The following DDC variants were observed in gnomAD, a reference collection of about 807,000 sequenced individuals.
The protein encoded by DDC is dopa decarboxylase.
Under a neutral mutation model 60.0 loss-of-function variants are expected in DDC, and 43 were observed. That is an observed-to-expected ratio of 0.72 (90% confidence interval 0.56 to 0.92). The LOEUF is 0.92. Ranked by LOEUF, DDC falls within the 40% of genes least tolerant of loss-of-function variation. The probability of loss-of-function intolerance (pLI) is 0.00; values close to 1 mark genes in which losing one functional copy is unlikely to be tolerated. For missense variants in DDC, 573 were observed against 620.2 expected (o/e 0.92, Z 0.81); for synonymous variants, 232 against 234.6 (o/e 0.99, Z 0.10).
rs758371217 is a variant in DDC at position 50,499,133 on chromosome 7, G to A, written c.876+15C>T. 31 of 1,602,598 alleles carry A rather than the reference G, an allele frequency of 1.9e-5. No individual in the cohort carries two copies. The highest frequency in any genetic ancestry group is 6.7e-5 in the African/African-American group (5 of 74,686). On this transcript the variant is annotated intron_variant, in intron 8 of 14. Coordinates refer to ENST00000444124, the MANE Select transcript of DDC (RefSeq NM_001082971.2). ...CTGTGAAAACAGCCTTAGGGAGAGCGAAGGGTGCACCTACCTCCACTCCAT... is the reference window on the plus strand; with the variant it reads ...CTGTGAAAACAGCCTTAGGGAGAGCAAAGGGTGCACCTACCTCCACTCCAT...
chr7:50,463,568 C>T (rs1363038466), intron 13 of DDC, 137 bp from the exon 14 acceptor site: 9 of 763,470 alleles, frequency 1.2e-5, no homozygotes, highest in African/African-American at 6.9e-5. Flanking sequence ...CTTGCGTTTA[C>T]GATGTTACAA....
intron 10 of DDC, 139 bp downstream of exon 10, chr7:50,479,648 G>A: frequency 1.2e-6 from 1 of 831,734 alleles, no homozygotes. Flanking sequence ...GGCAAATCCA[G>A]GAATGCACAG....
intron 1 of DDC, chr7:50,560,872 G>A (rs1004457284): frequency 6.6e-6 from 1 of 152,126 alleles, no homozygotes; most frequent in African/African-American, 2.4e-5. Flanking sequence ...AGCTGTCCCT[G>A]TCAGCCGAAC....
chr7:50,518,762 C>T (rs1220268346), intron 6 of DDC, among the ~76,000 whole-genome samples: 1 of 152,322 alleles, frequency 6.6e-6, no homozygotes, highest in South Asian at 2.1e-4. Context: ...GGACTTAAAC[C>T]TAAGACCTGA....
intron 1 of DDC, among the ~76,000 whole-genome samples, chr7:50,561,530 G>A (rs1390970634): frequency 6.6e-6 from 1 of 152,164 alleles, no homozygotes. Flanking sequence ...GAAGTGAGAT[G>A]TAGATTAGGT....
chr7:50,501,845 G>A (rs982519590), intron 7 of DDC, among the ~76,000 whole-genome samples: 8 of 152,128 alleles, frequency 5.3e-5, no homozygotes, highest in South Asian at 4.1e-4. Context: ...AGGCTGAGGC[G>A]GGCATATCAT....
At chr7:50,471,116 A>G (rs2042520441) in intron 11 of DDC, among the ~76,000 whole-genome samples, 1 of 152,144 alleles carries the variant, frequency 6.6e-6, no homozygotes, top group Admixed American at 6.5e-5. Context: ...TGAAGGCCGG[A>G]TGCGGTGGCT....
At chr7:50,474,423 GGAA>G (rs967574660) in intron 11 of DDC, among the ~76,000 whole-genome samples, 4 of 152,202 alleles carry the variant, frequency 2.6e-5, no homozygotes, top group Admixed American at 2.0e-4. Flanking sequence ...CCTAGGGTTG[GGAA>G]GAAGGAGTGA....
At chr7:50,509,653 A>AAATG (rs200941067) in intron 6 of DDC, among the ~76,000 whole-genome samples, 55 of 152,268 alleles carry the variant, frequency 3.6e-4, no homozygotes, top group East Asian at 5.8e-4. Flanking sequence ...TCCTCTTAGC[A>AAATG]AATGAATGAA....
At chr7:50,518,455 A>G (rs1344907465) in intron 6 of DDC, among the ~76,000 whole-genome samples, 1 of 152,206 alleles carries the variant, frequency 6.6e-6, no homozygotes, top group Non-Finnish European at 1.5e-5. Flanking sequence ...AAAAGAACAA[A>G]TCTGGAGGCA....
At chr7:50,516,589 T>A (rs1585216415) in intron 6 of DDC, among the ~76,000 whole-genome samples, 1 of 149,574 alleles carries the variant, frequency 6.7e-6, no homozygotes, top group African/African-American at 2.5e-5. Context: ...AGAGCAGAAC[T>A]AAATGAAATT....
At chr7:50,492,883 G>A in intron 9 of DDC, 2 of 1,587,626 alleles carry the variant, frequency 1.3e-6, no homozygotes, top group Non-Finnish European at 8.5e-7. Context: ...AGCGTCTGCG[G>A]CAGCCTCGGG....
At chr7:50,534,170 C>T (rs935605480) in intron 4 of DDC, among the ~76,000 whole-genome samples, 1 of 152,212 alleles carries the variant, frequency 6.6e-6, no homozygotes, top group East Asian at 1.9e-4. Context: ...ATAAATTCCC[C>T]TACACTCCCT....
At chr7:50,496,290 C>T (rs1487470161) in intron 8 of DDC, among the ~76,000 whole-genome samples, 1 of 152,012 alleles carries the variant, frequency 6.6e-6, no homozygotes, top group Non-Finnish European at 1.5e-5. Context: ...TGTCTCATTA[C>T]GTTGCCCAGG....
intron 2 of DDC, 76 bp from the exon 3 acceptor site, chr7:50,540,104 C>A: frequency 8.8e-7 from 1 of 1,139,202 alleles, no homozygotes. Context: ...CCAGGTACCC[C>A]CATGGCTCCC....
At chr7:50,509,142 A>G (rs1268646925) in intron 6 of DDC, among the ~76,000 whole-genome samples, 1 of 151,946 alleles carries the variant, frequency 6.6e-6, no homozygotes, top group Non-Finnish European at 1.5e-5. Flanking sequence ...CCATGAGGAA[A>G]GGGACCATGG....
chr7:50,499,749 C>T (rs924472753), intron 7 of DDC, among the ~76,000 whole-genome samples: 5 of 152,234 alleles, frequency 3.3e-5, no homozygotes, highest in African/African-American at 1.2e-4. Context: ...AGACCATCCC[C>T]TGCTTTCTTC....
intron 6 of DDC, among the ~76,000 whole-genome samples, chr7:50,516,835 T>C (rs1333360352): frequency 1.3e-5 from 2 of 152,094 alleles, no homozygotes; most frequent in Non-Finnish European, 2.9e-5. Flanking sequence ...CCTTAAGACA[T>C]GGAGAAATTC....
chr7:50,539,744 C>G (rs1334818458), intron 3 of DDC, 171 bp downstream of exon 3: 1 of 627,786 alleles, frequency 1.6e-6, no homozygotes, highest in Non-Finnish European at 2.9e-6. Context: ...TCGCTACTTT[C>G]TCAGAGGCAC....
Sources: allele counts gnomAD v4.1 joint callset (sites outside exome capture counted in the v4.1 genomes callset), GRCh38; gene constraint gnomAD v4.1.1; transcripts MANE v1.5; gene names NCBI Gene and HGNC (gene_info 2026-07-23, HGNC 2026-07-21).